CD109: variants seen among roughly 807,000 people sequenced by gnomAD.
CD109 encodes CD109 molecule, also known as CD109 antigen.
Under a neutral mutation model 165.8 loss-of-function variants are expected in CD109, and 149 were observed. The observed-to-expected ratio is 0.90, with a 90% CI of 0.79 to 1.03. The LOEUF is 1.03. Among genes scored for constraint, CD109 ranks in the 50% least tolerant of loss-of-function variants. The pLI, the probability that CD109 is intolerant of heterozygous loss-of-function variation, is 0.00. For missense variants in CD109, 1,712 were observed against 1,677.8 expected (o/e 1.02, Z -0.36); for synonymous variants, 585 against 592.1 (o/e 0.99, Z 0.18).
chr6:73,810,553 G>A (rs1439139809), intron 27 of CD109, among the ~76,000 whole-genome samples: 1 of 151,510 alleles, frequency 6.6e-6, no homozygotes, highest in Non-Finnish European at 1.5e-5. Flanking sequence ...CTTCTTTTTG[G>A]AAAGGAAAAA....
At chr6:73,781,175 G>A in intron 16 of CD109, 84 bp from the exon 17 acceptor site, 1 of 1,091,106 alleles carries the variant, frequency 9.2e-7, no homozygotes, top group Non-Finnish European at 1.4e-6. Flanking sequence ...GCACAAGTGA[G>A]TCAGGAGTTT....
chr6:73,724,856 T>C (rs1013347813), intron 3 of CD109, among the ~76,000 whole-genome samples: 6 of 152,118 alleles, frequency 3.9e-5, no homozygotes, highest in African/African-American at 1.4e-4. Context: ...CCTGCCTTGG[T>C]CCCCCAAAGT....
chr6:73,804,870 G>A (rs1351724199), intron 24 of CD109, among the ~76,000 whole-genome samples: 1 of 152,104 alleles, frequency 6.6e-6, no homozygotes, highest in Non-Finnish European at 1.5e-5. Context: ...ACAAAATAAT[G>A]GAGCTGGATT....
chr6:73,818,465 C>T lies in CD109; in HGVS notation c.3989C>T (p.Ala1330Val), dbSNP rs767267659. The change falls in exon 31 of 33, where the codon GCA becomes GTA. Residue 1330 changes from alanine to valine, a missense_variant. Physicochemically the swap from Ala to Val is moderately conservative, Grantham distance 64. Coordinates refer to ENST00000287097, the MANE Select transcript of CD109 (RefSeq NM_133493.5). Reference sequence around the variant, plus strand: ...AGTGGCTTTATGGTGCCTTCAGAAGCAATTTCTCTGAGCGAGACAGTGAAG... The same window carrying T: ...AGTGGCTTTATGGTGCCTTCAGAAGTAATTTCTCTGAGCGAGACAGTGAAG... ...LLSGFMVPSEAISLSETVKKV... is the reference protein window; with the variant it reads ...LLSGFMVPSEVISLSETVKKV... 1 of 1,613,596 alleles carries T rather than the reference C, an allele frequency of 6.2e-7. No individual in the cohort carries two copies. Among genetic ancestry groups the T allele is most frequent in the Non-Finnish European group, 8.5e-7 (1 of 1,179,810 alleles).
intron 3 of CD109, among the ~76,000 whole-genome samples, chr6:73,725,783 G>T (rs1204520240): frequency 1.3e-5 from 2 of 152,116 alleles, no homozygotes; most frequent in Non-Finnish European, 2.9e-5. Context: ...AAAGTCCTGG[G>T]ATTACAGGCG....
At chr6:73,763,539 TA>T (rs774829418) in intron 9 of CD109, 36 bp from the exon 10 acceptor site, 45 of 1,181,068 alleles carry the variant, frequency 3.8e-5, no homozygotes, top group Admixed American at 1.1e-4. Flanking sequence ...GGTGAAACAT[TA>T]CTTTTGCTTT....
chr6:73,775,641 A>T (rs978825075), intron 15 of CD109, among the ~76,000 whole-genome samples: 2 of 152,190 alleles, frequency 1.3e-5, no homozygotes, highest in African/African-American at 4.8e-5. Context: ...AGTACCCATT[A>T]GTTATTTTTC....
intron 23 of CD109, among the ~76,000 whole-genome samples, chr6:73,800,022 T>A (rs1259446019): frequency 2.6e-5 from 4 of 151,946 alleles, no homozygotes; most frequent in Admixed American, 2.6e-4. Flanking sequence ...ATGCTAATTT[T>A]TTTTTTGTAT....
chr6:73,789,414 CTG>C (rs1774831189), intron 22 of CD109, among the ~76,000 whole-genome samples: 3 of 104,960 alleles, frequency 2.9e-5, no homozygotes, highest in Admixed American at 2.8e-4. Flanking sequence ...AAATACTTAA[CTG>C]TTTTTTTTTG....
chr6:73,802,364 T>C (rs962641709), intron 23 of CD109, among the ~76,000 whole-genome samples: 1 of 146,368 alleles, frequency 6.8e-6, no homozygotes, highest in African/African-American at 2.5e-5. Flanking sequence ...GGCAGGCAAG[T>C]TGGTTTTTTG....
upstream of CD109, among the ~76,000 whole-genome samples, chr6:73,692,174 G>A (rs1582017403): frequency 6.6e-6 from 1 of 152,108 alleles, no homozygotes; most frequent in African/African-American, 2.4e-5. Context: ...CGAAATTGGG[G>A]ATTTGACATA....
intron 6 of CD109, among the ~76,000 whole-genome samples, chr6:73,757,877 A>T (rs1238549590): frequency 6.6e-6 from 1 of 152,172 alleles, no homozygotes; most frequent in Non-Finnish European, 1.5e-5. Context: ...GACAGCCCTG[A>T]TCTAGAAGAA....
chr6:73,703,001 G>C (rs1771136685), intron 2 of CD109, among the ~76,000 whole-genome samples: 1 of 152,202 alleles, frequency 6.6e-6, no homozygotes, highest in Admixed American at 6.5e-5. Context: ...TTTCCTCATA[G>C]TGCCAAGGAC....
Position 73,697,443 on chromosome 6 carries a change from G to C in CD109, c.118G>C (p.Gly40Arg). The C allele has an allele frequency of 3.7e-6, 6 of 1,614,174 alleles. No individual in the cohort carries two copies. The highest frequency in any genetic ancestry group is 5.1e-6 in the Non-Finnish European group (6 of 1,180,032). Residue 40 changes from glycine (G) to arginine (R), a missense_variant, in exon 2 of 33, where the codon GGA becomes CGA. Transcript: ENST00000287097. ...AGCCCCAGGGATCATCAGGCCCGGA[G>C]GAAATGTGACTATTGGGGTGGAGCT... Reference protein sequence around the residue: ...VTAPGIIRPGGNVTIGVELLE... With the variant: ...VTAPGIIRPGRNVTIGVELLE...
intron 2 of CD109, among the ~76,000 whole-genome samples, chr6:73,699,157 C>T (rs1582026337): frequency 2.0e-5 from 3 of 152,154 alleles, no homozygotes; most frequent in East Asian, 3.9e-4. Context: ...AATATTAAAT[C>T]ACAGGACATA....
chr6:73,824,820 CTTTT>C lies in CD109; in HGVS notation c.*1188_*1191del, dbSNP rs1341793378. 5 of 152,218 alleles carry C rather than the reference CTTTT, an allele frequency of 3.3e-5. No individual in the cohort carries two copies. The highest frequency in any genetic ancestry group is 3.4e-3 in the Middle Eastern group (1 of 294). The allele number at this position is 152,218 out of a possible 1,614,324, so 9.4% of individuals were successfully genotyped here. ...ATCCCCCTTTTTTCTTTTCTTCTCT[CTTTT>C]CTTTCCTTCTCCCTTTCTTCTTTGC... On this transcript the variant is annotated 3_prime_UTR_variant, in exon 33 of 33. Coordinates refer to ENST00000287097, the MANE Select transcript of CD109 (RefSeq NM_133493.5).
At chr6:73,705,761 T>C (rs1771245205) in intron 2 of CD109, among the ~76,000 whole-genome samples, 1 of 152,180 alleles carries the variant, frequency 6.6e-6, no homozygotes, top group South Asian at 2.1e-4. Flanking sequence ...TAATCAATTC[T>C]CTCAGGTCAG....
intron 7 of CD109, among the ~76,000 whole-genome samples, chr6:73,762,056 G>A (rs959000370): frequency 2.6e-5 from 4 of 151,960 alleles, no homozygotes; most frequent in African/African-American, 9.7e-5. Flanking sequence ...TCCACTTCCT[G>A]GGTTCAAGCA....
Position 73,762,475 on chromosome 6 carries a change from TTTAAGGTAAC to T in CD109, c.853_855+7del. On this transcript the variant is annotated splice_donor_variant and splice_donor_5th_base_variant and coding_sequence_variant and intron_variant, in exon 8 of 33. Transcript: ENST00000287097. LOFTEE classifies it high-confidence loss of function. ...AAAGAAGAAAAATATTACAAAAACA[TTTAAGGTAAC>T]TTTTGCAGACACTTTATAACTTGTG... The T allele has an allele frequency of 6.3e-7, 1 of 1,587,722 alleles. No individual in the cohort carries two copies. The highest frequency in any genetic ancestry group is 8.6e-7 in the Non-Finnish European group (1 of 1,157,052).
Sources: gnomAD v4.1 joint callset for allele counts (sites outside exome capture counted in the v4.1 genomes callset) on GRCh38, gnomAD v4.1.1 for gene constraint, MANE v1.5 for transcripts, NCBI Gene and HGNC (gene_info 2026-07-23, HGNC 2026-07-21) for gene names.